The following ASIC2 variants were observed in gnomAD, a reference collection of about 807,000 sequenced individuals.
ASIC2 encodes the protein acid-sensing ion channel 2.
A neutral mutation model predicts 57.3 loss-of-function variants in ASIC2; 25 were observed. The ratio of observed to expected loss-of-function variants is 0.44; its 90% CI spans 0.32 to 0.61. The LOEUF (loss-of-function observed/expected upper bound fraction) is 0.61, where lower values mean the gene tolerates loss of function less well. ASIC2 is among the 20% of genes least tolerant of loss of function. The pLI is 0.06. For synonymous variants in ASIC2, 319 were observed against 307.5 expected (o/e 1.04, Z -0.39); for missense variants, 641 against 738.1 (o/e 0.87, Z 1.52).
chr17:33,621,429 T>C (rs1162713831), intron 1 of ASIC2, among the ~76,000 whole-genome samples: 8 of 151,370 alleles, frequency 5.3e-5, no homozygotes, highest in African/African-American at 1.7e-4. Context: ...ATGTAAGGAG[T>C]CGCAGATGTG....
chr17:33,841,319 G>A (rs1429771075), intron 1 of ASIC2, among the ~76,000 whole-genome samples: 1 of 152,242 alleles, frequency 6.6e-6, no homozygotes, highest in Non-Finnish European at 1.5e-5. Context: ...AGTGCTATGA[G>A]AGACTGAAAA....
intron 1 of ASIC2, among the ~76,000 whole-genome samples, chr17:33,137,098 C>A (rs1214192054): frequency 1.3e-5 from 2 of 152,196 alleles, no homozygotes; most frequent in Non-Finnish European, 2.9e-5. Context: ...CACGGGACAG[C>A]CGCCTGCTGC....
At chr17:33,301,010 ATT>A (rs1442822970) in intron 1 of ASIC2, among the ~76,000 whole-genome samples, 7 of 21,194 alleles carry the variant, frequency 3.3e-4, no homozygotes, top group Admixed American at 8.9e-4. Context: ...CTTTTTATTC[ATT>A]TATTTATTTA....
At chr17:33,996,386 T>C (rs1266064729) in intron 1 of ASIC2, among the ~76,000 whole-genome samples, 2 of 152,220 alleles carry the variant, frequency 1.3e-5, no homozygotes, top group Non-Finnish European at 2.9e-5. Flanking sequence ...TTGCTTTTGT[T>C]ACCTTTGCTT....
intron 1 of ASIC2, among the ~76,000 whole-genome samples, chr17:33,895,115 G>C (rs898470732): frequency 6.6e-6 from 1 of 151,654 alleles, no homozygotes; most frequent in African/African-American, 2.4e-5. Flanking sequence ...TTTGGATCCA[G>C]TCTTTTTGAA....
intron 1 of ASIC2, among the ~76,000 whole-genome samples, chr17:33,943,201 G>A (rs1315607746): frequency 1.3e-5 from 2 of 152,166 alleles, no homozygotes; most frequent in Non-Finnish European, 2.9e-5. Context: ...AAAATATAAG[G>A]TATTAGTCTA....
intron 1 of ASIC2, among the ~76,000 whole-genome samples, chr17:33,672,372 T>C (rs891736291): frequency 1.4e-5 from 2 of 147,268 alleles, no homozygotes; most frequent in Non-Finnish European, 1.5e-5. Flanking sequence ...AGAGCTGAAA[T>C]AAAAGTTGCA....
intron 1 of ASIC2, among the ~76,000 whole-genome samples, chr17:33,381,981 C>A (rs976532317): frequency 6.6e-6 from 1 of 152,158 alleles, no homozygotes; most frequent in Non-Finnish European, 1.5e-5. Flanking sequence ...TATTTAATTG[C>A]TGCATGGTGG....
chr17:33,631,570 C>T (rs1456081706), intron 1 of ASIC2, among the ~76,000 whole-genome samples: 4 of 151,874 alleles, frequency 2.6e-5, no homozygotes, highest in South Asian at 2.1e-4. Flanking sequence ...AAAATGTTGC[C>T]GGGAAGATGG....
Position 33,712,856 on chromosome 17 carries a change from G to A in ASIC2, c.555+443122C>T, listed in dbSNP as rs992598840. 1.6e-3 allele frequency among the ~76,000 whole-genome samples: 236 copies of A among 151,392 alleles called. 4 individuals are homozygous for A. Among genetic ancestry groups the A allele is most frequent in the Admixed American group, 2.6e-3 (40 of 15,198 alleles). ...GAGACGGGGTTTCACCGTTTTAGCC[G>A]GGATGGTCTCGATCTCCTGACCTCG... On this transcript the variant is annotated intron_variant, in intron 1 of 9. Transcript: ENST00000359872.
intron 1 of ASIC2, among the ~76,000 whole-genome samples, chr17:33,630,837 C>A (rs1181724961): frequency 6.6e-6 from 1 of 152,186 alleles, no homozygotes; most frequent in Non-Finnish European, 1.5e-5. Context: ...ATCATCATAA[C>A]TAGCATCATC....
intron 1 of ASIC2, among the ~76,000 whole-genome samples, chr17:33,888,809 C>A (rs1914891930): frequency 2.6e-5 from 4 of 152,070 alleles, no homozygotes; most frequent in Admixed American, 2.6e-4. Flanking sequence ...AGTGGAGGGG[C>A]TATAGGATAA....
At chr17:33,642,865 T>A (rs931955751) in intron 1 of ASIC2, among the ~76,000 whole-genome samples, 1 of 152,208 alleles carries the variant, frequency 6.6e-6, no homozygotes, top group Non-Finnish European at 1.5e-5. Flanking sequence ...TGGGGAGACC[T>A]GCAAACCTTG....
intron 3 of ASIC2, among the ~76,000 whole-genome samples, chr17:33,087,069 A>G (rs2092137100): frequency 6.6e-6 from 1 of 152,020 alleles, no homozygotes; most frequent in Non-Finnish European, 1.5e-5. Context: ...TGCCCTCACC[A>G]TGTCAACCCA....
chr17:33,117,856 G>T (rs893690961), intron 1 of ASIC2, among the ~76,000 whole-genome samples: 1 of 152,154 alleles, frequency 6.6e-6, no homozygotes. Flanking sequence ...TGAAGACGGG[G>T]TCAGAGATTA....
chr17:33,879,845 A>G (rs1914655240), intron 1 of ASIC2, among the ~76,000 whole-genome samples: 2 of 152,228 alleles, frequency 1.3e-5, no homozygotes, highest in Non-Finnish European at 2.9e-5. Flanking sequence ...AACTGACCAC[A>G]TAGTTGGAAG....
At chr17:33,542,027 C>G (rs1251080443) in intron 1 of ASIC2, among the ~76,000 whole-genome samples, 2 of 152,166 alleles carry the variant, frequency 1.3e-5, no homozygotes, top group African/African-American at 4.8e-5. Context: ...GACAACAAGA[C>G]CAATGAATGC....
intron 1 of ASIC2, among the ~76,000 whole-genome samples, chr17:33,275,846 G>T (rs1289366118): frequency 6.6e-6 from 1 of 152,180 alleles, no homozygotes; most frequent in Admixed American, 6.5e-5. Context: ...ATATGGAAAG[G>T]CTGGGAAGAA....
intron 1 of ASIC2, among the ~76,000 whole-genome samples, chr17:33,733,336 C>T (rs1212599147): frequency 1.3e-5 from 2 of 152,160 alleles, no homozygotes; most frequent in African/African-American, 4.8e-5. Flanking sequence ...GGTGAAGCCC[C>T]CATCAGTCCT....
Sources: gnomAD v4.1 joint callset for allele counts (sites outside exome capture counted in the v4.1 genomes callset) on GRCh38, gnomAD v4.1.1 for gene constraint, MANE v1.5 for transcripts, NCBI Gene and HGNC (gene_info 2026-07-23, HGNC 2026-07-21) for gene names.